RAVER2: variants seen among roughly 807,000 people sequenced by gnomAD.
RAVER2 encodes the protein ribonucleoprotein, PTB binding 2.
In RAVER2, 46 loss-of-function variants were observed where a neutral mutation model predicts 78.1. The ratio of observed to expected loss-of-function variants is 0.59; its 90% CI spans 0.46 to 0.75. The LOEUF (loss-of-function observed/expected upper bound fraction) is 0.75. RAVER2 is among the 30% of genes least tolerant of loss of function. The pLI, the probability that RAVER2 is intolerant of heterozygous loss-of-function variation, is 0.00. For missense variants in RAVER2, 793 were observed against 837.5 expected, an observed-to-expected ratio of 0.95 and a Z score of 0.66; for synonymous variants, 311 against 313.3, an observed-to-expected ratio of 0.99 and a Z score of 0.08.
intron 1 of RAVER2, among the ~76,000 whole-genome samples, chr1:64,756,618 C>G (rs1031162749): frequency 6.6e-6 from 1 of 152,188 alleles, no homozygotes; most frequent in African/African-American, 2.4e-5. Context: ...CCTGATGTTA[C>G]ATCTTATACA....
rs551537635 is a variant in RAVER2, at chr1:64,777,326, A to G, written c.317-297A>G. ...TGTGTGTGATTGGAAAAGACTACCA[A>G]AAACCCCCCAGAATATCATAGGATT... On this transcript the variant is annotated intron_variant, in intron 2 of 11. Coordinates refer to ENST00000294428, the Ensembl canonical transcript of RAVER2. Among the ~76,000 whole-genome samples the G allele has an allele frequency of 2.0e-5, 3 of 152,222 alleles. No individual in the cohort carries two copies. The South Asian group carries it at 6.2e-4, about 32-fold the overall frequency.
At chr1:64,802,087 G>A (rs1427740065) in intron 5 of RAVER2, among the ~76,000 whole-genome samples, 3 of 152,214 alleles carry the variant, frequency 2.0e-5, no homozygotes, top group Non-Finnish European at 4.4e-5. Context: ...CGTTGCCGTG[G>A]CATTTGTAAA....
At chr1:64,802,926 A>T in intron 5 of RAVER2, 50 bp from the exon 6 acceptor site, 1 of 1,342,542 alleles carries the variant, frequency 7.4e-7, no homozygotes, top group Non-Finnish European at 1.0e-6. Context: ...GTTTTTAAAA[A>T]TTTTTAATTC....
chr1:64,815,786 A>G (rs564311945), intron 11 of RAVER2: 1 of 152,324 alleles, frequency 6.6e-6, no homozygotes, highest in Admixed American at 6.5e-5. Context: ...GCAGCTGGAT[A>G]TTAGTGAAAT....
At chr1:64,815,227 G>A (rs1282665681) in intron 11 of RAVER2, 1 of 152,674 alleles carries the variant, frequency 6.5e-6, no homozygotes, top group Non-Finnish European at 1.5e-5. Flanking sequence ...TGGCCTGCAA[G>A]ATTAAATATT....
intron 1 of RAVER2, among the ~76,000 whole-genome samples, chr1:64,755,862 C>T (rs993514358): frequency 6.1e-5 from 9 of 147,812 alleles, no homozygotes; most frequent in South Asian, 2.1e-4. Context: ...TTAAGTATAG[C>T]GTAAAGAATG....
At chr1:64,786,591 G>T (rs1652786132) in intron 4 of RAVER2, among the ~76,000 whole-genome samples, 1 of 152,078 alleles carries the variant, frequency 6.6e-6, no homozygotes, top group African/African-American at 2.4e-5. Flanking sequence ...AGGAGTTTGA[G>T]ACCAGCCTGG....
rs1057441171 is a variant in RAVER2, at chr1:64,809,237, A to G, written c.1680+1763A>G. 2.6e-5 allele frequency among the ~76,000 whole-genome samples: 4 copies of G among 152,280 alleles called. No individual in the cohort carries two copies. The East Asian group carries it at 7.7e-4, about 29-fold the overall frequency. On this transcript the variant is annotated intron_variant, in intron 9 of 11. Coordinates refer to ENST00000294428, the Ensembl canonical transcript of RAVER2. The stretch of plus-strand genomic sequence containing the variant: ...TTTATTTCACAAAGATGTGAATGTC[A>G]TATCACCAAAAGCAATTAAGCAGAG...
In RAVER2 at chr1:64,757,135, A is replaced by G. The variant is rs559346223; in HGVS notation, c.250-11521A>G. Among the ~76,000 whole-genome samples, 84 of 152,346 alleles carry G rather than the reference A, an allele frequency of 5.5e-4. 2 individuals are homozygous for G. Among genetic ancestry groups the G allele is most frequent in the Middle Eastern group, 3.4e-3 (1 of 294 alleles). Reference sequence around the variant, plus strand: ...AGCATACACTTAAGGGAAGGGTCCTATGTCCTTTTGACGTGTCCCCAGCAT... The same window carrying G: ...AGCATACACTTAAGGGAAGGGTCCTGTGTCCTTTTGACGTGTCCCCAGCAT... On this transcript the variant is annotated intron_variant, in intron 1 of 11. Transcript: ENST00000294428.
exon 11 of RAVER2, chr1:64,814,815 C>T (rs1160514039): frequency 6.3e-7 from 1 of 1,580,776 alleles, no homozygotes; most frequent in South Asian, 1.2e-5. Flanking sequence ...ATTGCTTATT[C>T]TCCACCTTTT....
chr1:64,825,154 T>A (rs11588397), intron 11 of RAVER2, among the ~76,000 whole-genome samples: 7,604 of 152,158 alleles, frequency 0.05, 302 homozygotes, highest in Admixed American at 0.14. Flanking sequence ...CATATTGATT[T>A]TGAAACATTT....
intron 5 of RAVER2, among the ~76,000 whole-genome samples, chr1:64,802,154 A>G (rs1653284914): frequency 6.6e-6 from 1 of 152,140 alleles, no homozygotes; most frequent in African/African-American, 2.4e-5. Context: ...CACTCTTGTC[A>G]CCATCTTGGT....
At chr1:64,761,336 A>C (rs1652015078) in intron 1 of RAVER2, among the ~76,000 whole-genome samples, 1 of 152,180 alleles carries the variant, frequency 6.6e-6, no homozygotes, top group Non-Finnish European at 1.5e-5. Flanking sequence ...GGCCCCCCCC[A>C]AAATTCATTG....
intron 1 of RAVER2, among the ~76,000 whole-genome samples, chr1:64,765,003 A>G (rs1393598430): frequency 6.6e-6 from 1 of 152,238 alleles, no homozygotes; most frequent in Non-Finnish European, 1.5e-5. Context: ...CATAAAACTA[A>G]TAATCACAAT....
chr1:64,812,714 C>A, intron 9 of RAVER2, 24 bp from the exon 10 acceptor site: 1 of 1,506,308 alleles, frequency 6.6e-7, no homozygotes, highest in Non-Finnish European at 9.2e-7. Context: ...ATTAAGTACT[C>A]CCTCCTTTGT....
At chr1:64,812,093 C>CTCAACACTTTGGTGTTGAG (rs1653623490) in intron 9 of RAVER2, among the ~76,000 whole-genome samples, 1 of 152,048 alleles carries the variant, frequency 6.6e-6, no homozygotes, top group African/African-American at 2.4e-5. Context: ...CGCCTGTAAT[C>CTCAACACTTTGGTGTTGAG]TCAACACTTT....
At chr1:64,755,731 T>G (rs1055701618) in intron 1 of RAVER2, among the ~76,000 whole-genome samples, 14 of 140,962 alleles carry the variant, frequency 9.9e-5, no homozygotes, top group East Asian at 4.0e-4. Flanking sequence ...ATAGTTTTTT[T>G]TTTTTTTTTT....
chr1:64,768,046 C>A (rs1652220189), intron 1 of RAVER2, among the ~76,000 whole-genome samples: 1 of 151,860 alleles, frequency 6.6e-6, no homozygotes, highest in African/African-American at 2.4e-5. Flanking sequence ...TTTTTCATAT[C>A]CAGGGATCTC....
chr1:64,830,326 TGA>T (rs965331754), intron 11 of RAVER2, among the ~76,000 whole-genome samples: 3 of 152,224 alleles, frequency 2.0e-5, no homozygotes, highest in African/African-American at 7.2e-5. Flanking sequence ...ACCAAAGCTC[TGA>T]GTTTCCCATT....
Sources: gnomAD v4.1 joint callset for allele counts (sites outside exome capture counted in the v4.1 genomes callset) on GRCh38, gnomAD v4.1.1 for gene constraint, MANE v1.5 for transcripts, NCBI Gene and HGNC (gene_info 2026-07-23, HGNC 2026-07-21) for gene names.